SLC4A11: variants seen among roughly 807,000 people sequenced by gnomAD.
The protein encoded by SLC4A11 is solute carrier family 4 member 11.
SLC4A11 carries 74 observed loss-of-function variants against 95.0 expected under a neutral mutation model. That is an observed-to-expected ratio of 0.78 (90% CI 0.65 to 0.95). The LOEUF (loss-of-function observed/expected upper bound fraction) is 0.95. Ranked by LOEUF, SLC4A11 falls within the 40% of genes least tolerant of loss-of-function variation. The pLI, the probability that SLC4A11 is intolerant of heterozygous loss-of-function variation, is 0.00. For synonymous variants in SLC4A11, 548 were observed against 519.0 expected, an observed-to-expected ratio of 1.06 and a Z score of -0.76; for missense variants, 1,081 against 1,192.4, an observed-to-expected ratio of 0.91 and a Z score of 1.38.
intron 1 of SLC4A11, chr20:3,237,942 G>A (rs768382400): frequency 1.3e-6 from 2 of 1,550,480 alleles, no homozygotes; most frequent in East Asian, 4.9e-5. Flanking sequence ...CCGCTGCAGC[G>A]AGAGGAAGGG....
chr20:3,234,963 C>T lies in SLC4A11; in HGVS notation c.89-69G>A. The T allele has an allele frequency of 6.3e-7, 1 of 1,597,860 alleles. No individual in the cohort carries two copies. The highest frequency in any genetic ancestry group is 8.6e-7 in the Non-Finnish European group (1 of 1,167,208). On this transcript the variant is annotated intron_variant, in intron 2 of 19. Coordinates refer to ENST00000642402, the MANE Select transcript of SLC4A11 (RefSeq NM_001174089.2). The surrounding 1 kb of genome is among the most constrained non-coding windows in gnomAD (Gnocchi z 5.8). ...ACACACAGGAAGGAGGGGCTCCAAG[C>T]CCAGGGAGCAGGGACCCCTGGACTG...
At position 3,231,055 on chromosome 20, in the gene SLC4A11, A is replaced by T; in HGVS notation, c.1046T>A (p.Ile349Asn). ...PLYPLDFTDGIIGKNKAVGKY... is the reference protein window; with the variant it reads ...PLYPLDFTDGNIGKNKAVGKY... ...GCCCACAGCCTTGTTTTTCCCAATA[A>T]TGCCTAGGAATGGGGGATGGGAGAG... Residue 349 changes from isoleucine (I) to asparagine (N), a missense_variant, in exon 10 of 20, where the codon ATT becomes AAT. Ile to Asn is a moderately radical substitution (Grantham distance 149). This residue lies in a region of SLC4A11 where 767 missense variants were observed against 858.0 expected (regional missense o/e 0.89). Coordinates refer to ENST00000642402, the MANE Select transcript of SLC4A11 (RefSeq NM_001174089.2). This position sits in a 1 kb window ranked among gnomAD's most constrained non-coding sequence, Gnocchi z 5.2. The T allele has an allele frequency of 1.2e-6, 2 of 1,611,720 alleles. No individual in the cohort carries two copies.
At chr20:3,238,809 T>TC in intron 1 of SLC4A11, 1 of 1,162,056 alleles carries the variant, frequency 8.6e-7, no homozygotes. Context: ...ACTTTCGAGC[T>TC]CCCCGCCCTC....
chr20:3,227,552 C>T lies in SLC4A11; in HGVS notation c.*235G>A. The T allele has an allele frequency of 1.7e-6, 1 of 586,406 alleles. No homozygotes were observed. The highest frequency in any genetic ancestry group is 1.9e-5 in the African/African-American group (1 of 53,912). 36.3% of individuals were successfully genotyped at this position (586,406 alleles called of 1,614,324 possible). Reference sequence around the variant, plus strand: ...TCCATCCTGCTCAGTCCCACCCACCCTGGGCAGAAGCTGCCCTGAGCAACG... The same window carrying T: ...TCCATCCTGCTCAGTCCCACCCACCTTGGGCAGAAGCTGCCCTGAGCAACG... On this transcript the variant is annotated 3_prime_UTR_variant, in exon 20 of 20. Transcript: ENST00000642402.
At position 3,230,535 on chromosome 20, in the gene SLC4A11, C is replaced by T. The variant is rs1265878257; in HGVS notation, c.1395G>A (p.Leu465=). The T allele has an allele frequency of 6.2e-7, 1 of 1,613,934 alleles. No individual in the cohort carries two copies. The highest frequency in any genetic ancestry group is 2.2e-5 in the East Asian group (1 of 44,882). The change falls in exon 12 of 20, where the codon CTG becomes CTA. Residue 465 remains leucine, a synonymous_variant. Transcript: ENST00000642402. The stretch of plus-strand genomic sequence containing the variant: ...GTCACCTCTTGAAGAGACTCATGAC[C>T]AGGCTGAGGTTGAAAAAGGCATAAA... ...LALYAFFNLS[L]VMSLFKRSTE...
intron 2 of SLC4A11, among the ~76,000 whole-genome samples, chr20:3,235,927 G>A (rs1476153637): frequency 1.3e-5 from 2 of 152,054 alleles, no homozygotes; most frequent in Admixed American, 1.3e-4. Context: ...CCTCCAGGAA[G>A]TCCTCCTAGA....
rs371682087 is a variant in SLC4A11, at chr20:3,231,460, C to T, written c.818G>A (p.Arg273His). The change falls in exon 8 of 20, where the codon CGC becomes CAC. Residue 273 changes from arginine to histidine, a missense_variant. Physicochemically the swap from Arg to His is conservative, Grantham distance 29 (BLOSUM62 0). This residue lies in a region of SLC4A11 where 767 missense variants were observed against 858.0 expected (regional missense o/e 0.89). Coordinates refer to ENST00000642402, the MANE Select transcript of SLC4A11 (RefSeq NM_001174089.2). The surrounding 1 kb of genome is among the most constrained non-coding windows in gnomAD (Gnocchi z 5.2). ...GGCCTCCTTGAATTCCTCCTCTGTGCGGGTCTCCAGGAGCTTCTGGCGGAA... is the reference window on the plus strand; with the variant it reads ...GGCCTCCTTGAATTCCTCCTCTGTGTGGGTCTCCAGGAGCTTCTGGCGGAA... ...IAFRQKLLET[R>H]TEEEFKEALV... The T allele has an allele frequency of 1.9e-5, 31 of 1,613,952 alleles. No homozygotes were observed. Among genetic ancestry groups the T allele is most frequent in the African/African-American group, 6.7e-5 (5 of 74,914 alleles).
chr20:3,230,109 C>T (rs1232864958), intron 13 of SLC4A11, 78 bp downstream of exon 13: 53 of 1,518,932 alleles, frequency 3.5e-5, no homozygotes, highest in Non-Finnish European at 4.5e-5. Flanking sequence ...GTCCTATGTG[C>T]CCCCAGCCAG....
Position 3,231,207 on chromosome 20 carries a change from C to G in SLC4A11, c.984G>C (p.Lys328Asn), listed in dbSNP as rs1370904541. ...TGCGTGCGATGTCCTCCCGGATGCC[C>G]TTCCCAAAAGGGACAAAGTCCTTGC... ...PKCKDFVPFGKGIREDIARRF... is the reference protein window; with the variant it reads ...PKCKDFVPFGNGIREDIARRF... The change falls in exon 9 of 20, where the codon AAG (lysine) becomes AAC (asparagine). Residue 328 changes from lysine (K) to asparagine (N), a missense_variant. Lys to Asn is a moderately conservative substitution (Grantham distance 94, BLOSUM62 0). Coordinates refer to ENST00000642402, the MANE Select transcript of SLC4A11 (RefSeq NM_001174089.2). The surrounding 1 kb of genome is among the most constrained non-coding windows in gnomAD (Gnocchi z 5.2). 6.2e-6 allele frequency: 10 copies of G among 1,614,106 alleles called. No homozygotes were observed. Among genetic ancestry groups the G allele is most frequent in the South Asian group, 4.4e-5 (4 of 91,082 alleles).
rs1041478925 is a variant in SLC4A11, at chr20:3,234,921, C to G, written c.89-27G>C. On this transcript the variant is annotated intron_variant, in intron 2 of 19. Coordinates refer to ENST00000642402, the MANE Select transcript of SLC4A11 (RefSeq NM_001174089.2). This position sits in a 1 kb window ranked among gnomAD's most constrained non-coding sequence, Gnocchi z 5.8. ...TAGAGACCCCCAAGAGCAAGAGGGC[C>G]TGGCTGTTAAAGTGCCACACACAGG... is the stretch of plus-strand genomic sequence containing the variant. 3.1e-6 allele frequency: 5 copies of G among 1,613,672 alleles called. No individual in the cohort carries two copies. The highest frequency in any genetic ancestry group is 4.2e-6 in the Non-Finnish European group (5 of 1,179,964).
At chr20:3,232,249 C>G (rs930740004) in intron 7 of SLC4A11, among the ~76,000 whole-genome samples, 10 of 152,274 alleles carry the variant, frequency 6.6e-5, no homozygotes, top group African/African-American at 2.2e-4. Context: ...GGCACTCTCT[C>G]TCTCGCCCGG....
Position 3,227,741 on chromosome 20 carries a change from G to A in SLC4A11, c.*46C>T, listed in dbSNP as rs2067576985. 6.3e-7 allele frequency: 1 copy of A among 1,596,766 alleles called. No individual in the cohort carries two copies. On this transcript the variant is annotated 3_prime_UTR_variant, in exon 20 of 20. Transcript: ENST00000642402. The stretch of plus-strand genomic sequence containing the variant: ...CCTCACAGCTCCAGAGCCAGCCTGG[G>A]AGGACGTGGAGGGCTGGCGAATGGG...
In SLC4A11 at chr20:3,234,812, G is replaced by A; in HGVS notation, c.171C>T (p.Ser57=). 1.9e-6 allele frequency: 3 copies of A among 1,614,084 alleles called. No homozygotes were observed. The highest frequency in any genetic ancestry group is 1.3e-5 in the African/African-American group (1 of 75,044). Residue 57 remains serine, a synonymous_variant, in exon 3 of 20, where the codon TCC becomes TCT. Transcript: ENST00000642402. The surrounding 1 kb of genome is among the most constrained non-coding windows in gnomAD (Gnocchi z 5.8). ...LGDEAFDTAN[S]SIVSGESIRF... ...GGATACTCTCGCCAGACACGATGGA[G>A]GAGTTGGCAGTGTCGAAGGCCTCAT...
In SLC4A11 at chr20:3,229,252, G is replaced by A. The variant is rs754299888; in HGVS notation, c.1861C>T (p.Arg621Cys). Residue 621 changes from arginine (R) to cysteine (C), a missense_variant, in exon 16 of 20, where the codon CGC becomes TGC. Arg to Cys is a radical substitution (Grantham distance 180). Around this residue, in one of 3 missense-constraint regions of SLC4A11, gnomAD observed 767 missense variants for 858.0 expected, o/e 0.89. Coordinates refer to ENST00000642402, the MANE Select transcript of SLC4A11 (RefSeq NM_001174089.2). ...GFREIEMSKF[R>C]YNPSESPFAM... is the part of the protein sequence containing the mutation. ...AAGGGGCTCTCGCTGGGGTTGTAGC[G>A]GAACTTGCTCACTGCAGTAGGGGAC... 48 of 1,612,888 alleles carry A rather than the reference G, an allele frequency of 3.0e-5. No homozygotes were observed. The highest frequency in any genetic ancestry group is 2.7e-4 in the South Asian group (25 of 91,088).
At position 3,233,589 on chromosome 20, in the gene SLC4A11, C is replaced by G. The variant is rs764988903; in HGVS notation, c.654G>C (p.Leu218=). 8.1e-6 allele frequency: 13 copies of G among 1,613,616 alleles called. No individual in the cohort carries two copies. Among genetic ancestry groups the G allele is most frequent in the African/African-American group, 2.7e-5 (2 of 74,924 alleles). ...TCTCCCCCCAGTTCTGTGGGCGAAC[C>G]AGGCGGCTGATGCACACGTGCCGCT... ...LQKRHVCISR[L]VRPQNWGENS... is the part of the protein sequence containing the mutation. The change falls in exon 7 of 20, where the codon CTG becomes CTC. Residue 218 remains leucine, a synonymous_variant. Transcript: ENST00000642402.
At position 3,234,148 on chromosome 20, in the gene SLC4A11, T is replaced by C. The variant is rs369976845; in HGVS notation, c.458A>G (p.Asn153Ser). 17 of 1,614,102 alleles carry C rather than the reference T, an allele frequency of 1.1e-5. No individual in the cohort carries two copies. The highest frequency in any genetic ancestry group is 9.3e-5 in the African/African-American group (7 of 75,040). ...FARDPDNNEP[N>S]CNLDLLMAML... Reference sequence around the variant, plus strand: ...GGCCATGAGCAGGTCCAGGTTGCAGTTGGGCTCATTGTTGTCAGGGTCCCT... The same window carrying C: ...GGCCATGAGCAGGTCCAGGTTGCAGCTGGGCTCATTGTTGTCAGGGTCCCT... The change falls in exon 5 of 20, where the codon AAC (asparagine) becomes AGC (serine). Residue 153 changes from asparagine (N) to serine (S), a missense_variant. Asn to Ser is a conservative substitution (Grantham distance 46). This residue lies in a region of SLC4A11 where 310 missense variants were observed against 313.5 expected (regional missense o/e 0.99). Coordinates refer to ENST00000642402, the MANE Select transcript of SLC4A11 (RefSeq NM_001174089.2). The surrounding 1 kb of genome is among the most constrained non-coding windows in gnomAD (Gnocchi z 5.8).
chr20:3,230,905 C>A, intron 10 of SLC4A11, 28 bp downstream of exon 10: 1 of 1,613,352 alleles, frequency 6.2e-7, no homozygotes, highest in East Asian at 2.2e-5. Flanking sequence ...AGCATACCCC[C>A]ACCCACCGCC....
At chr20:3,238,530 G>T in intron 1 of SLC4A11, 1 of 966,628 alleles carries the variant, frequency 1.0e-6, no homozygotes, top group Non-Finnish European at 1.2e-6. Context: ...CCACGTGCAG[G>T]TAAAGGGTCG....
chr20:3,234,294 G>A lies in SLC4A11; in HGVS notation c.312C>T (p.Phe104=). Residue 104 remains phenylalanine, a synonymous_variant, in exon 5 of 20, where the codon TTC becomes TTT. Coordinates refer to ENST00000642402, the MANE Select transcript of SLC4A11 (RefSeq NM_001174089.2). This position sits in a 1 kb window ranked among gnomAD's most constrained non-coding sequence, Gnocchi z 5.8. ...TSRKYLKLKN[F]KEEIRAHRDL... ...CGCGGTGCGCACGGATCTCTTCCTTGAAGTTCTTTAACTTCAGGTACTGAG... is the reference window on the plus strand; with the variant it reads ...CGCGGTGCGCACGGATCTCTTCCTTAAAGTTCTTTAACTTCAGGTACTGAG... The A allele has an allele frequency of 4.3e-6, 7 of 1,613,906 alleles. No homozygotes were observed. The highest frequency in any genetic ancestry group is 5.9e-6 in the Non-Finnish European group (7 of 1,179,996).
Sources: allele counts gnomAD v4.1 joint callset (sites outside exome capture counted in the v4.1 genomes callset), GRCh38; gene constraint gnomAD v4.1.1; regional missense constraint gnomAD v4.1.1; non-coding constraint Gnocchi (gnomAD v3.1); transcripts MANE v1.5; gene names NCBI Gene and HGNC (gene_info 2026-07-23, HGNC 2026-07-21).